Variants in ANO3 observed in about 807,000 individuals in gnomAD.
The protein encoded by ANO3 is anoctamin-3.
Under a neutral mutation model 144.8 loss-of-function variants are expected in ANO3, and 99 were observed. The ratio of observed to expected loss-of-function variants is 0.68; its 90% confidence interval spans 0.58 to 0.81. ANO3 has a LOEUF of 0.81. Among genes scored for constraint, ANO3 ranks in the 30% least tolerant of loss-of-function variants. The pLI is 0.00. For missense variants in ANO3, 905 were observed against 1,202.2 expected, an observed-to-expected ratio of 0.75 and a Z score of 3.66; for synonymous variants, 414 against 392.6, an observed-to-expected ratio of 1.05 and a Z score of -0.64.
chr11:26,278,149 C>G (rs1211048658), intron 1 of ANO3, among the ~76,000 whole-genome samples: 2 of 152,070 alleles, frequency 1.3e-5, no homozygotes, highest in Non-Finnish European at 2.9e-5. Context: ...TTATTTCACT[C>G]AATTCTGCTG....
In ANO3 at chr11:26,639,223, T is replaced by G; in HGVS notation, c.2123T>G (p.Phe708Cys). Residue 708 changes from phenylalanine to cysteine, a missense_variant, in exon 21 of 27, where the codon TTC becomes TGC. By Grantham distance (205) the Phe-to-Cys change is radical. Around this residue, in one of 4 missense-constraint regions of ANO3, gnomAD observed 597 missense variants for 865.1 expected, o/e 0.69. Transcript: ENST00000256737. ...TTTTTGAAGCAAATATGGAACAACT[T>G]CATGGAACTAGGATACCCGTGAGCA... ...IMFLKQIWNN[F>C]MELGYPLIQN... 1 of 1,613,276 alleles carries G rather than the reference T, an allele frequency of 6.2e-7. No individual in the cohort carries two copies. Among genetic ancestry groups the G allele is most frequent in the Non-Finnish European group, 8.5e-7 (1 of 1,179,370 alleles).
intron 11 of ANO3, among the ~76,000 whole-genome samples, chr11:26,542,355 G>C (rs1292973316): frequency 6.6e-6 from 1 of 151,970 alleles, no homozygotes; most frequent in Middle Eastern, 3.2e-3. Context: ...CATATTACCA[G>C]AGCCCAATAC....
At chr11:26,625,526 C>T (rs1239543958) in intron 18 of ANO3, among the ~76,000 whole-genome samples, 1 of 152,120 alleles carries the variant, frequency 6.6e-6, no homozygotes, top group African/African-American at 2.4e-5. Context: ...TTCATACCTA[C>T]GGCATGGTAT....
At chr11:26,271,093 A>T (rs771895698) in intron 1 of ANO3, among the ~76,000 whole-genome samples, 1 of 152,224 alleles carries the variant, frequency 6.6e-6, no homozygotes, top group Non-Finnish European at 1.5e-5. Flanking sequence ...CCTAGATTTA[A>T]TTTTGTTAGT....
chr11:26,443,535 G>T (rs1858599904), intron 2 of ANO3, among the ~76,000 whole-genome samples: 1 of 152,170 alleles, frequency 6.6e-6, no homozygotes, highest in Admixed American at 6.5e-5. Context: ...CCGGGAGGCG[G>T]AGGTTGCAGT....
chr11:26,380,917 G>A (rs1311647663), intron 1 of ANO3, among the ~76,000 whole-genome samples: 1 of 152,150 alleles, frequency 6.6e-6, no homozygotes, highest in Non-Finnish European at 1.5e-5. Flanking sequence ...AGGAGGTGTA[G>A]GTTGTAGTGA....
chr11:26,456,940 T>C (rs905209019), intron 3 of ANO3, among the ~76,000 whole-genome samples: 9 of 149,798 alleles, frequency 6.0e-5, no homozygotes, highest in African/African-American at 2.0e-4. Context: ...ATGGATGAAA[T>C]TGGAAATCAT....
chr11:26,274,150 C>T (rs1209078385), intron 1 of ANO3, among the ~76,000 whole-genome samples: 1 of 151,990 alleles, frequency 6.6e-6, no homozygotes, highest in African/African-American at 2.4e-5. Flanking sequence ...TCAAACTTGA[C>T]GTCAACAGAT....
chr11:26,651,460 G>C (rs1853529774), intron 24 of ANO3, among the ~76,000 whole-genome samples: 1 of 152,024 alleles, frequency 6.6e-6, no homozygotes, highest in Non-Finnish European at 1.5e-5. Flanking sequence ...ATTTTATATA[G>C]AACCAGATAT....
intron 14 of ANO3, among the ~76,000 whole-genome samples, chr11:26,561,597 AT>A (rs1387477266): frequency 4.0e-5 from 6 of 151,892 alleles, no homozygotes; most frequent in Admixed American, 1.3e-4. Context: ...CTGGTGTAAA[AT>A]TTTTTTAAGT....
At chr11:26,614,696 A>G (rs1852199253) in intron 17 of ANO3, among the ~76,000 whole-genome samples, 1 of 152,168 alleles carries the variant, frequency 6.6e-6, no homozygotes, top group Non-Finnish European at 1.5e-5. Flanking sequence ...AATGGGGACC[A>G]CTGAGGATCT....
intron 1 of ANO3, among the ~76,000 whole-genome samples, chr11:26,241,637 A>G (rs2133811437): frequency 6.6e-6 from 1 of 152,348 alleles, no homozygotes; most frequent in Admixed American, 6.5e-5. Context: ...TCATTATAGT[A>G]ACAATTAATA....
chr11:26,537,307 CTT>C, intron 9 of ANO3, 97 bp from the exon 10 acceptor site: 1 of 1,016,606 alleles, frequency 9.8e-7, no homozygotes. Flanking sequence ...TTATCTTAAA[CTT>C]TTTAATCGAT....
chr11:26,438,610 A>AAAAAAAAAAAAAAAAAAG (rs1565024969), intron 1 of ANO3, among the ~76,000 whole-genome samples: 7 of 73,844 alleles, frequency 9.5e-5, no homozygotes, highest in East Asian at 4.4e-4. Context: ...AAAAAAAAAG[A>AAAAAAAAAAAAAAAAAAG]AAAAAAAAAA....
intron 18 of ANO3, among the ~76,000 whole-genome samples, chr11:26,627,821 G>A (rs1320322721): frequency 3.1e-5 from 4 of 130,220 alleles, no homozygotes; most frequent in Non-Finnish European, 5.0e-5. Context: ...TCTAGTGTGT[G>A]TGTGTGTGTG....
intron 1 of ANO3, among the ~76,000 whole-genome samples, chr11:26,273,045 C>A (rs1170178063): frequency 6.6e-6 from 1 of 152,008 alleles, no homozygotes; most frequent in Non-Finnish European, 1.5e-5. Flanking sequence ...AATGAAATAC[C>A]TATAAATATA....
At chr11:26,455,824 T>G (rs1379160663) in intron 3 of ANO3, among the ~76,000 whole-genome samples, 1 of 149,954 alleles carries the variant, frequency 6.7e-6, no homozygotes, top group Non-Finnish European at 1.5e-5. Flanking sequence ...CTTCAAACTA[T>G]GCTACAAGGC....
intron 1 of ANO3, among the ~76,000 whole-genome samples, chr11:26,406,976 A>G (rs1857295148): frequency 6.9e-6 from 1 of 145,870 alleles, no homozygotes. Context: ...ACACACGTAT[A>G]TATATATATT....
chr11:26,486,952 C>T (rs1183879127), intron 4 of ANO3, among the ~76,000 whole-genome samples: 2 of 152,222 alleles, frequency 1.3e-5, no homozygotes, highest in Non-Finnish European at 2.9e-5. Flanking sequence ...ATCTCTAATG[C>T]TGTGTGCTCC....
Sources: allele counts gnomAD v4.1 joint callset (sites outside exome capture counted in the v4.1 genomes callset), GRCh38; gene constraint gnomAD v4.1.1; regional missense constraint gnomAD v4.1.1; transcripts MANE v1.5; gene names NCBI Gene and HGNC (gene_info 2026-07-23, HGNC 2026-07-21).